CFAP221: variants seen among roughly 807,000 people sequenced by gnomAD.
CFAP221 encodes cilia and flagella associated protein 221.
CFAP221 carries 97 observed loss-of-function variants against 113.1 expected under a neutral mutation model. The ratio of observed to expected loss-of-function variants is 0.86; its 90% confidence interval spans 0.73 to 1.02. The LOEUF is 1.02. Ranked by LOEUF, CFAP221 falls within the 50% of genes least tolerant of loss-of-function variation. The probability of loss-of-function intolerance (pLI) is 0.00; values close to 1 mark genes in which losing one functional copy is unlikely to be tolerated. For missense variants in CFAP221, 1,025 were observed against 1,013.4 expected (o/e 1.01, Z -0.16); for synonymous variants, 331 against 354.4 (o/e 0.93, Z 0.74).
At chr2:119,658,085 A>G (rs915254319), downstream of CFAP221, among the ~76,000 whole-genome samples, 14 of 152,168 alleles carry the variant, frequency 9.2e-5, no homozygotes, top group African/African-American at 2.9e-4. Context: ...ACGTATCTTT[A>G]TATGAATTCC....
chr2:119,585,567 A>G (rs1473272344), intron 6 of CFAP221, among the ~76,000 whole-genome samples: 1 of 152,230 alleles, frequency 6.6e-6, no homozygotes, highest in African/African-American at 2.4e-5. Flanking sequence ...AGAGCTCAGT[A>G]GTAGATAAAG....
chr2:119,569,984 A>G (rs1681928972), intron 6 of CFAP221, among the ~76,000 whole-genome samples: 3 of 152,170 alleles, frequency 2.0e-5, no homozygotes, highest in Admixed American at 6.5e-5. Context: ...CATTTCTGCC[A>G]TTTCTGGTTC....
At chr2:119,593,371 A>T (rs539618517) in intron 7 of CFAP221, among the ~76,000 whole-genome samples, 4 of 152,282 alleles carry the variant, frequency 2.6e-5, no homozygotes, top group Admixed American at 2.0e-4. Flanking sequence ...TTTATTTTTT[A>T]AAAAAGAGGT....
At chr2:119,584,550 G>A (rs564138029) in intron 6 of CFAP221, among the ~76,000 whole-genome samples, 1 of 151,888 alleles carries the variant, frequency 6.6e-6, no homozygotes, top group Non-Finnish European at 1.5e-5. Context: ...TTATGCCACT[G>A]CACCCCAGAC....
At chr2:119,588,869 G>C (rs2104621850) in intron 7 of CFAP221, among the ~76,000 whole-genome samples, 1 of 152,294 alleles carries the variant, frequency 6.6e-6, no homozygotes, top group Middle Eastern at 3.4e-3. Flanking sequence ...TGGACACGAG[G>C]TCACCTTGGG....
At chr2:119,656,222 A>C in intron 23 of CFAP221, 140 bp from the exon 24 acceptor site, 1 of 641,532 alleles carries the variant, frequency 1.6e-6, no homozygotes, top group South Asian at 1.8e-5. Flanking sequence ...TAAGTAAACT[A>C]TCACTAACTG....
chr2:119,645,444 T>G (rs1687745868), intron 21 of CFAP221, among the ~76,000 whole-genome samples: 1 of 150,948 alleles, frequency 6.6e-6, no homozygotes. Flanking sequence ...TTTTTTTCCC[T>G]TCTGTCTTAT....
chr2:119,600,750 G>A (rs1336963862), intron 7 of CFAP221, among the ~76,000 whole-genome samples: 2 of 152,076 alleles, frequency 1.3e-5, no homozygotes, highest in African/African-American at 4.8e-5. Flanking sequence ...TAAACCGACT[G>A]TGCCTGCCTC....
chr2:119,605,627 C>G (rs1181352773), intron 11 of CFAP221, among the ~76,000 whole-genome samples: 1 of 152,184 alleles, frequency 6.6e-6, no homozygotes, highest in Non-Finnish European at 1.5e-5. Context: ...CACCAGGAGC[C>G]CCTGTGCCTT....
At chr2:119,634,143 T>C (rs1341373932) in intron 19 of CFAP221, among the ~76,000 whole-genome samples, 2 of 152,132 alleles carry the variant, frequency 1.3e-5, no homozygotes, top group African/African-American at 4.8e-5. Flanking sequence ...AATAATAATG[T>C]GATCCAGCAA....
chr2:119,630,911 A>G lies in CFAP221; in HGVS notation c.1974+10A>G. 1.2e-6 allele frequency: 2 copies of G among 1,610,676 alleles called. No homozygotes were observed. Among genetic ancestry groups the G allele is most frequent in the Non-Finnish European group, 1.7e-6 (2 of 1,177,046 alleles). On this transcript the variant is annotated intron_variant, in intron 19 of 23. Coordinates refer to ENST00000413369, the MANE Select transcript of CFAP221 (RefSeq NM_001271049.2). ...TCCTCTGTATGTTTTTGTAAGTGAC[A>G]ACTGGCAGAAGCCTTGTTTTCTGTG...
chr2:119,581,935 A>G (rs1417276535), intron 6 of CFAP221, among the ~76,000 whole-genome samples: 1 of 152,014 alleles, frequency 6.6e-6, no homozygotes, highest in African/African-American at 2.4e-5. Flanking sequence ...AAAAAAAGAG[A>G]AACCTTAAAA....
At position 119,605,287 on chromosome 2, in the gene CFAP221, G is replaced by A. The variant is rs1375285458; in HGVS notation, c.1131G>A (p.Lys377=). 7 of 1,607,466 alleles carry A rather than the reference G, an allele frequency of 4.4e-6. No individual in the cohort carries two copies. The Admixed American group carries it at 6.7e-5, about 15-fold the overall frequency. The change falls in exon 11 of 24, where the codon AAG becomes AAA. Residue 377 remains lysine (K), a splice_region_variant and synonymous_variant. Coordinates refer to ENST00000413369, the MANE Select transcript of CFAP221 (RefSeq NM_001271049.2). ...ACGAAGAGATGGAAAATCATCTTAA[G>A]TGGTAAATATTGAGCAATTGTTTGT... is the stretch of plus-strand genomic sequence containing the variant. ...DIHEEMENHL[K]WQVHLGKDPM... is the part of the protein sequence containing the mutation.
At chr2:119,592,815 C>CT (rs1239547894) in intron 7 of CFAP221, among the ~76,000 whole-genome samples, 1 of 152,102 alleles carries the variant, frequency 6.6e-6, no homozygotes, top group Non-Finnish European at 1.5e-5. Flanking sequence ...TGATCGTCCC[C>CT]GGCTTTGGCT....
chr2:119,564,560 A>G (rs1360502340), intron 6 of CFAP221, among the ~76,000 whole-genome samples: 1 of 152,192 alleles, frequency 6.6e-6, no homozygotes, highest in Non-Finnish European at 1.5e-5. Context: ...TGATGCATGC[A>G]CATGCACCCC....
At chr2:119,578,625 G>C (rs1206463191) in intron 6 of CFAP221, among the ~76,000 whole-genome samples, 1 of 152,152 alleles carries the variant, frequency 6.6e-6, no homozygotes, top group Non-Finnish European at 1.5e-5. Context: ...ATACATCTCT[G>C]TGTGAAGGCT....
chr2:119,647,831 A>G (rs1372343351), intron 22 of CFAP221, among the ~76,000 whole-genome samples: 1 of 152,250 alleles, frequency 6.6e-6, no homozygotes, highest in Non-Finnish European at 1.5e-5. Flanking sequence ...TAGTTTAATT[A>G]ACCAACATAG....
rs2104828409 is a variant in CFAP221, at chr2:119,656,526, T to C, written c.*56T>C. 2.5e-6 allele frequency: 3 copies of C among 1,210,136 alleles called. No individual in the cohort carries two copies. The highest frequency in any genetic ancestry group is 3.6e-6 in the Non-Finnish European group (3 of 825,780). 75.0% of individuals were successfully genotyped at this position (1,210,136 alleles called of 1,614,324 possible). On this transcript the variant is annotated 3_prime_UTR_variant, in exon 24 of 24. Coordinates refer to ENST00000413369, the MANE Select transcript of CFAP221 (RefSeq NM_001271049.2). ...GCTTTCCGTGGGCCACTGTGGCCCC[T>C]TGCGTCCATTTACATGCCAGCCATC...
chr2:119,657,804 AGT>A (rs893915156), downstream of CFAP221, among the ~76,000 whole-genome samples: 6 of 152,012 alleles, frequency 3.9e-5, no homozygotes, highest in Non-Finnish European at 7.4e-5. Context: ...TGGCCTTCAG[AGT>A]GTGTGTGTGT....
Sources: gnomAD v4.1 joint callset for allele counts (sites outside exome capture counted in the v4.1 genomes callset) on GRCh38, gnomAD v4.1.1 for gene constraint, MANE v1.5 for transcripts, NCBI Gene and HGNC (gene_info 2026-07-23, HGNC 2026-07-21) for gene names.